The following NLGN1 variants were observed in gnomAD, a reference collection of about 807,000 sequenced individuals.
NLGN1 encodes the protein neuroligin-1.
A neutral mutation model predicts 65.5 loss-of-function variants in NLGN1; 12 were observed. The observed-to-expected ratio is 0.18, with a 90% CI of 0.12 to 0.30. The LOEUF is 0.30. NLGN1 is among the 10% of genes least tolerant of loss of function. NLGN1 has a pLI of 1.00. For synonymous variants in NLGN1, 350 were observed against 359.5 expected, an observed-to-expected ratio of 0.97 and a Z score of 0.30; for missense variants, 750 against 1,007.1, an observed-to-expected ratio of 0.74 and a Z score of 3.46.
intron 2 of NLGN1, among the ~76,000 whole-genome samples, chr3:173,451,492 G>C (rs1721515249): frequency 6.6e-6 from 1 of 152,192 alleles, no homozygotes; most frequent in African/African-American, 2.4e-5. Context: ...CTCCCAGTTA[G>C]GCTACTCGGG....
intron 4 of NLGN1, among the ~76,000 whole-genome samples, chr3:173,922,490 A>C (rs1430609658): frequency 6.6e-6 from 1 of 152,122 alleles, no homozygotes; most frequent in Non-Finnish European, 1.5e-5. Context: ...TTTCCTAGGA[A>C]ATAAAAACAT....
chr3:173,785,289 G>A (rs987805151), intron 3 of NLGN1, among the ~76,000 whole-genome samples: 1 of 152,138 alleles, frequency 6.6e-6, no homozygotes, highest in Non-Finnish European at 1.5e-5. Context: ...ATGTTCTAGT[G>A]AGCACATTTC....
At chr3:174,129,970 G>T (rs1394830160) in intron 4 of NLGN1, among the ~76,000 whole-genome samples, 1 of 152,172 alleles carries the variant, frequency 6.6e-6, no homozygotes, top group African/African-American at 2.4e-5. Flanking sequence ...TAACCATTAG[G>T]ATCTGTAAGA....
At chr3:173,433,276 G>A (rs1717524251) in intron 1 of NLGN1, among the ~76,000 whole-genome samples, 2 of 152,070 alleles carry the variant, frequency 1.3e-5, no homozygotes, top group Admixed American at 1.3e-4. Flanking sequence ...ATCCTGTTTG[G>A]GGTTGAACAG....
chr3:174,176,119 T>C (rs1729400375), intron 4 of NLGN1, among the ~76,000 whole-genome samples: 1 of 151,962 alleles, frequency 6.6e-6, no homozygotes, highest in East Asian at 1.9e-4. Flanking sequence ...TCAGGCTTGT[T>C]GAATACTTTA....
chr3:173,863,603 G>A (rs1729570571), intron 4 of NLGN1, among the ~76,000 whole-genome samples: 1 of 152,208 alleles, frequency 6.6e-6, no homozygotes, highest in Non-Finnish European at 1.5e-5. Context: ...TGATCAGAAT[G>A]AGGAAAAAGG....
chr3:173,852,350 C>CA (rs1456940982), intron 4 of NLGN1, among the ~76,000 whole-genome samples: 5 of 86,794 alleles, frequency 5.8e-5, no homozygotes, highest in African/African-American at 2.6e-4. Context: ...AGCGAGACTC[C>CA]GTCTCAAAAA....
chr3:173,915,140 T>A (rs1284772564), intron 4 of NLGN1, among the ~76,000 whole-genome samples: 1 of 152,244 alleles, frequency 6.6e-6, no homozygotes, highest in Non-Finnish European at 1.5e-5. Context: ...CCAGCTACGC[T>A]GACTCTATTT....
At chr3:173,675,868 G>GTC (rs10635715) in intron 3 of NLGN1, among the ~76,000 whole-genome samples, 13,675 of 132,390 alleles carry the variant, frequency 0.1, 1,050 homozygotes, top group East Asian at 0.39. Flanking sequence ...CTCTCTCTTT[G>GTC]TCTCTCTCTC....
intron 3 of NLGN1, among the ~76,000 whole-genome samples, chr3:173,673,575 A>G: frequency 6.6e-6 from 1 of 152,176 alleles, no homozygotes; most frequent in East Asian, 1.9e-4. Flanking sequence ...AGCATGGTGC[A>G]TTTAGTTCCT....
At chr3:173,451,729 C>A (rs1721571498) in intron 2 of NLGN1, among the ~76,000 whole-genome samples, 1 of 152,224 alleles carries the variant, frequency 6.6e-6, no homozygotes, top group African/African-American at 2.4e-5. Flanking sequence ...TTCCTGGCCA[C>A]TCTGTTTACC....
At chr3:174,079,942 C>A (rs2152547016) in intron 4 of NLGN1, among the ~76,000 whole-genome samples, 1 of 152,068 alleles carries the variant, frequency 6.6e-6, no homozygotes, top group Non-Finnish European at 1.5e-5. Context: ...GGGTACTAGG[C>A]TTAATATCTG....
intron 2 of NLGN1, among the ~76,000 whole-genome samples, chr3:173,544,581 T>G (rs2149243239): frequency 6.6e-6 from 1 of 152,042 alleles, no homozygotes; most frequent in South Asian, 2.1e-4. Context: ...AAAAATCCCT[T>G]GAGACAAGTT....
intron 3 of NLGN1, among the ~76,000 whole-genome samples, chr3:173,785,019 G>A (rs1029158673): frequency 1.3e-5 from 2 of 151,958 alleles, no homozygotes; most frequent in Non-Finnish European, 2.9e-5. Context: ...ATAGACAGAG[G>A]CAGAAATGAC....
intron 2 of NLGN1, among the ~76,000 whole-genome samples, chr3:173,492,455 A>G (rs961383894): frequency 1.1e-4 from 16 of 151,784 alleles, no homozygotes; most frequent in Non-Finnish European, 2.2e-4. Context: ...TTATGGGTCA[A>G]TCAAGCTGTA....
rs544395889 is a variant in NLGN1 at position 173,777,606 on chromosome 3, A to G, written c.494-30074A>G. On this transcript the variant is annotated intron_variant, in intron 3 of 6. Coordinates refer to ENST00000457714, the Ensembl canonical transcript of NLGN1. ...ACTGTGCAATAGAAGACCAGAATGTATTCTGTCTGTCTGTCTGTCTGTCTG... is the reference window on the plus strand; with the variant it reads ...ACTGTGCAATAGAAGACCAGAATGTGTTCTGTCTGTCTGTCTGTCTGTCTG... Among the ~76,000 whole-genome samples the G allele has an allele frequency of 8.1e-3, 1,141 of 140,342 alleles. 20 individuals carry two copies. Among genetic ancestry groups the G allele is most frequent in the African/African-American group, 0.029 (1,032 of 35,318 alleles). The allele number at this position is 140,342 out of a possible 152,430, so 92.1% of individuals were successfully genotyped here.
intron 2 of NLGN1, among the ~76,000 whole-genome samples, chr3:173,588,349 A>T (rs1015411864): frequency 1.0e-4 from 15 of 149,092 alleles, no homozygotes; most frequent in African/African-American, 3.9e-4. Context: ...TTCTGTTATT[A>T]ATGAAATAAT....
intron 2 of NLGN1, among the ~76,000 whole-genome samples, chr3:173,553,965 A>G (rs1741306572): frequency 6.6e-6 from 1 of 152,230 alleles, no homozygotes; most frequent in African/African-American, 2.4e-5. Context: ...GTAGTGAGAA[A>G]GAGCAAGGAT....
chr3:174,124,608 C>T (rs985573094), intron 4 of NLGN1, among the ~76,000 whole-genome samples: 5 of 143,108 alleles, frequency 3.5e-5, no homozygotes, highest in African/African-American at 7.7e-5. Flanking sequence ...TACATATATA[C>T]GTATATATAC....
Sources: gnomAD v4.1 joint callset for allele counts (sites outside exome capture counted in the v4.1 genomes callset) on GRCh38, gnomAD v4.1.1 for gene constraint, MANE v1.5 for transcripts, NCBI Gene and HGNC (gene_info 2026-07-23, HGNC 2026-07-21) for gene names.